The following ALK variants were observed in gnomAD, a reference collection of about 807,000 sequenced individuals.
The protein encoded by ALK is ALK tyrosine kinase receptor.
In ALK, 74 loss-of-function variants were observed where a neutral mutation model predicts 163.1. The observed-to-expected ratio is 0.45, with a 90% confidence interval of 0.38 to 0.55. The LOEUF (loss-of-function observed/expected upper bound fraction) is 0.55. ALK is among the 20% of genes least tolerant of loss of function. The pLI is 0.00. For missense variants in ALK, 2,063 were observed against 2,105.3 expected (o/e 0.98, Z 0.39); for synonymous variants, 960 against 843.2 (o/e 1.14, Z -2.40).
At chr2:29,558,152 A>G (rs1376264002) in intron 3 of ALK, among the ~76,000 whole-genome samples, 1 of 152,232 alleles carries the variant, frequency 6.6e-6, no homozygotes, top group Non-Finnish European at 1.5e-5. Flanking sequence ...TCCTCAATCA[A>G]GAGCTGATCT....
chr2:29,584,416 C>T (rs566888274), intron 3 of ALK, among the ~76,000 whole-genome samples: 1 of 152,154 alleles, frequency 6.6e-6, no homozygotes, highest in Non-Finnish European at 1.5e-5. Context: ...TTGGAGCAGG[C>T]CTGTATTGAA....
At chr2:29,233,858 C>T (rs548847474) in intron 13 of ALK, among the ~76,000 whole-genome samples, 162 bp from the exon 14 acceptor site, 1 of 152,224 alleles carries the variant, frequency 6.6e-6, no homozygotes, top group South Asian at 2.1e-4. Flanking sequence ...TCACTCTGGG[C>T]AGTGTTAGGG....
At chr2:29,826,144 C>T (rs4265970) in intron 1 of ALK, among the ~76,000 whole-genome samples, 68,413 of 151,862 alleles carry the variant, frequency 0.45, 16,079 homozygotes, top group East Asian at 0.72. Flanking sequence ...TCTGCCATGG[C>T]CTGCTATTCT....
At chr2:29,714,364 A>C (rs1679189350) in intron 2 of ALK, among the ~76,000 whole-genome samples, 1 of 152,156 alleles carries the variant, frequency 6.6e-6, no homozygotes, top group Non-Finnish European at 1.5e-5. Flanking sequence ...AAATTAGAAG[A>C]AATATGGGGA....
At chr2:29,420,847 C>G (rs563661463) in intron 4 of ALK, among the ~76,000 whole-genome samples, 1 of 151,500 alleles carries the variant, frequency 6.6e-6, no homozygotes, top group African/African-American at 2.5e-5. Context: ...AGCCCTGCAG[C>G]CTGTTATTTA....
chr2:29,599,321 A>G (rs898409621), intron 3 of ALK, among the ~76,000 whole-genome samples: 2 of 152,234 alleles, frequency 1.3e-5, no homozygotes, highest in Admixed American at 6.5e-5. Flanking sequence ...GCTCTTAAGT[A>G]CTTTTTAATG....
At chr2:29,366,733 T>C (rs1203706444) in intron 5 of ALK, among the ~76,000 whole-genome samples, 1 of 152,150 alleles carries the variant, frequency 6.6e-6, no homozygotes, top group Non-Finnish European at 1.5e-5. Context: ...AGGAATGATA[T>C]GGAGAATGAG....
Position 29,346,716 on chromosome 2 carries a change from G to A in ALK, c.1283-18235C>T, listed in dbSNP as rs183574278. On this transcript the variant is annotated intron_variant, in intron 5 of 28. Coordinates refer to ENST00000389048, the MANE Select transcript of ALK (RefSeq NM_004304.5). ...GATCCCGGCATGACACAATGCAGAA[G>A]AGTTTGGATTTACTGGCTCAGGGGT... 2.1e-3 allele frequency among the ~76,000 whole-genome samples: 314 copies of A among 152,326 alleles called. 3 individuals carry two copies. The highest frequency in any genetic ancestry group is 7.2e-3 in the African/African-American group (299 of 41,566).
At position 29,785,948 on chromosome 2, in the gene ALK, CACACACACACAT is replaced by C. The variant is rs1448438031; in HGVS notation, c.668-68263_668-68252del. Among the ~76,000 whole-genome samples the C allele has an allele frequency of 5.6e-3, 666 of 119,146 alleles. 4 individuals are homozygous for C. Among genetic ancestry groups the C allele is most frequent in the African/African-American group, 0.02 (582 of 29,136 alleles). The allele number at this position is 119,146 out of a possible 152,430, so 78.2% of individuals were successfully genotyped here. On this transcript the variant is annotated intron_variant, in intron 1 of 28. Coordinates refer to ENST00000389048, the MANE Select transcript of ALK (RefSeq NM_004304.5). ...ACACACACACACACACACACACACA[CACACACACACAT>C]TACCCTCTCTGCAAGGTTGGAACTA...
intron 3 of ALK, among the ~76,000 whole-genome samples, chr2:29,593,137 C>T (rs1184208534): frequency 2.6e-5 from 4 of 152,156 alleles, no homozygotes; most frequent in African/African-American, 9.7e-5. Flanking sequence ...AATGAGTCCA[C>T]AGGTTACGTT....
chr2:29,469,598 C>T (rs1671298157), intron 4 of ALK, among the ~76,000 whole-genome samples: 2 of 152,106 alleles, frequency 1.3e-5, no homozygotes, highest in Admixed American at 6.5e-5. Flanking sequence ...TGGCACCATC[C>T]CCCTCCTTGA....
At chr2:29,206,378 C>T (rs1669310773) in intron 26 of ALK, among the ~76,000 whole-genome samples, 1 of 151,710 alleles carries the variant, frequency 6.6e-6, no homozygotes, top group Non-Finnish European at 1.5e-5. Context: ...CTCTAGTGAA[C>T]CTCCCATCCA....
At chr2:29,821,892 A>G (rs770712028) in intron 1 of ALK, among the ~76,000 whole-genome samples, 16 of 152,150 alleles carry the variant, frequency 1.1e-4, no homozygotes, top group Non-Finnish European at 1.9e-4. Context: ...CTGGGGATTC[A>G]GGGGTTGAAG....
In ALK at chr2:29,398,686, G is replaced by C. The variant is rs140814082; in HGVS notation, c.1155-14827C>G. 5.7e-3 allele frequency among the ~76,000 whole-genome samples: 874 copies of C among 152,054 alleles called. 8 individuals are homozygous for C. In the Middle Eastern group the frequency reaches 0.071, roughly 12 times the overall value. Reference sequence around the variant, plus strand: ...CTTATGGAGCTGGGCAGGAGAGCAGGACCCCCCTCCTCCTTCCCAGTTTCC... The same window carrying C: ...CTTATGGAGCTGGGCAGGAGAGCAGCACCCCCCTCCTCCTTCCCAGTTTCC... On this transcript the variant is annotated intron_variant, in intron 4 of 28. Transcript: ENST00000389048.
chr2:29,491,846 C>A (rs1477705651), intron 4 of ALK, among the ~76,000 whole-genome samples: 1 of 152,182 alleles, frequency 6.6e-6, no homozygotes, highest in Non-Finnish European at 1.5e-5. Flanking sequence ...GAGAAACATA[C>A]CAGGCCTTCT....
chr2:29,770,963 A>T (rs1481680390), intron 1 of ALK, among the ~76,000 whole-genome samples: 1 of 151,986 alleles, frequency 6.6e-6, no homozygotes, highest in African/African-American at 2.4e-5. Flanking sequence ...ACACACATAC[A>T]CAAATACACA....
chr2:29,900,749 A>G (rs1447814857), intron 1 of ALK, among the ~76,000 whole-genome samples: 1 of 152,208 alleles, frequency 6.6e-6, no homozygotes, highest in African/African-American at 2.4e-5. Flanking sequence ...CTGCTGCTTC[A>G]TCACTCTCCT....
intron 3 of ALK, among the ~76,000 whole-genome samples, chr2:29,694,075 G>T (rs1233005508): frequency 1.3e-5 from 2 of 152,104 alleles, no homozygotes; most frequent in Non-Finnish European, 2.9e-5. Flanking sequence ...AGTTTTCTAG[G>T]TCCAAGACAT....
chr2:29,839,510 C>T (rs1238712547), intron 1 of ALK, among the ~76,000 whole-genome samples: 2 of 152,110 alleles, frequency 1.3e-5, no homozygotes, highest in East Asian at 3.9e-4. Context: ...CACAGGGAGA[C>T]ATGGCAAGGT....
Sources: allele counts gnomAD v4.1 joint callset (sites outside exome capture counted in the v4.1 genomes callset), GRCh38; gene constraint gnomAD v4.1.1; transcripts MANE v1.5; gene names NCBI Gene and HGNC (gene_info 2026-07-23, HGNC 2026-07-21).